Variants in RIN3 observed in about 807,000 individuals in gnomAD.
RIN3 encodes RAB5 interacting protein 3.
In RIN3, 54 loss-of-function variants were observed where a neutral mutation model predicts 76.3. The ratio of observed to expected loss-of-function variants is 0.71; its 90% CI spans 0.57 to 0.89. The LOEUF is 0.89. RIN3 is among the 40% of genes least tolerant of loss of function. The probability of loss-of-function intolerance (pLI) is 0.00; values close to 1 mark genes in which losing one functional copy is unlikely to be tolerated. For synonymous variants in RIN3, 576 were observed against 564.0 expected, an observed-to-expected ratio of 1.02 and a Z score of -0.30; for missense variants, 1,256 against 1,322.1, an observed-to-expected ratio of 0.95 and a Z score of 0.78.
intron 2 of RIN3, among the ~76,000 whole-genome samples, chr14:92,574,507 C>T (rs1387998331): frequency 6.6e-6 from 1 of 152,212 alleles, no homozygotes; most frequent in Non-Finnish European, 1.5e-5. Flanking sequence ...CCCATGCAAG[C>T]TTCCAGCTTG....
At chr14:92,554,111 C>A (rs1897512266) in intron 1 of RIN3, among the ~76,000 whole-genome samples, 1 of 152,126 alleles carries the variant, frequency 6.6e-6, no homozygotes, top group Admixed American at 6.5e-5. Context: ...TTTCTGGGTA[C>A]CCTTGTCTGT....
chr14:92,539,377 A>G (rs10498634), intron 1 of RIN3, among the ~76,000 whole-genome samples: 61,942 of 152,082 alleles, frequency 0.41, 12,813 homozygotes, highest in African/African-American at 0.45. Context: ...TGAACTCTTC[A>G]TAGCAAACTC....
chr14:92,558,043 T>C (rs1215352954), intron 2 of RIN3, among the ~76,000 whole-genome samples: 45 of 152,276 alleles, frequency 3.0e-4, no homozygotes, highest in Admixed American at 2.0e-4. Context: ...TGTCAAAAGA[T>C]TCAGTTCTCT....
intron 4 of RIN3, among the ~76,000 whole-genome samples, chr14:92,638,752 TCAGGATGCAGCAGAATCACACAACAATGA>T (rs1413498358): frequency 1.3e-5 from 2 of 151,850 alleles, no homozygotes; most frequent in African/African-American, 4.8e-5. Flanking sequence ...TCAGAAGACC[TCAGGATGCAGCAGAATCACACAACAATGA>T]CAGAAGATGC....
chr14:92,603,881 C>T (rs9788510), intron 3 of RIN3, among the ~76,000 whole-genome samples: 14 of 152,310 alleles, frequency 9.2e-5, no homozygotes, highest in Admixed American at 8.5e-4. Context: ...CCAAAGAAAT[C>T]GCTATCTTCC....
At chr14:92,581,973 G>A (rs1238508522) in intron 3 of RIN3, among the ~76,000 whole-genome samples, 1 of 152,180 alleles carries the variant, frequency 6.6e-6, no homozygotes, top group African/African-American at 2.4e-5. Flanking sequence ...GGCAGGCAGG[G>A]TGATCAGACA....
At chr14:92,572,966 C>G (rs1054590653) in intron 2 of RIN3, among the ~76,000 whole-genome samples, 1 of 147,778 alleles carries the variant, frequency 6.8e-6, no homozygotes, top group Admixed American at 6.9e-5. Flanking sequence ...ACTGCAACCT[C>G]TGCCTCCCAG....
intron 8 of RIN3, among the ~76,000 whole-genome samples, chr14:92,682,703 T>C (rs776937407): frequency 9.9e-5 from 15 of 152,198 alleles, no homozygotes; most frequent in Non-Finnish European, 2.2e-4. Flanking sequence ...CTTCCACTTA[T>C]ATCTAAGGGG....
At chr14:92,672,674 G>A (rs1888326488) in intron 7 of RIN3, among the ~76,000 whole-genome samples, 2 of 152,114 alleles carry the variant, frequency 1.3e-5, no homozygotes, top group African/African-American at 2.4e-5. Flanking sequence ...GTGTGTGTGT[G>A]TGTGTGTGTG....
chr14:92,627,961 G>A (rs1029102231), intron 4 of RIN3, among the ~76,000 whole-genome samples: 1 of 152,220 alleles, frequency 6.6e-6, no homozygotes, highest in Admixed American at 6.5e-5. Context: ...GAGACCAGGA[G>A]TTTTTATCCC....
intron 2 of RIN3, among the ~76,000 whole-genome samples, chr14:92,572,357 C>T (rs190549420): frequency 2.6e-5 from 4 of 152,356 alleles, no homozygotes; most frequent in Admixed American, 2.6e-4. Context: ...TTACACTCCG[C>T]CATTTTGCCT....
chr14:92,639,941 C>T (rs1375765491), intron 4 of RIN3, among the ~76,000 whole-genome samples: 5 of 61,682 alleles, frequency 8.1e-5, no homozygotes, highest in East Asian at 8.4e-4. Context: ...CCTGACTGTG[C>T]GTTTGCTGGG....
intron 4 of RIN3, among the ~76,000 whole-genome samples, chr14:92,637,926 C>G (rs1302592248): frequency 2.0e-5 from 3 of 152,142 alleles, no homozygotes; most frequent in Non-Finnish European, 4.4e-5. Context: ...CTTAACCTCC[C>G]TGAGCCTCTG....
intron 3 of RIN3, among the ~76,000 whole-genome samples, chr14:92,610,685 G>A (rs1331895424): frequency 6.6e-6 from 1 of 152,174 alleles, no homozygotes; most frequent in Non-Finnish European, 1.5e-5. Context: ...GGACTCTGGA[G>A]CTGCAGGGAT....
chr14:92,669,817 A>G (rs1329776989), intron 7 of RIN3, among the ~76,000 whole-genome samples: 1 of 152,204 alleles, frequency 6.6e-6, no homozygotes, highest in Non-Finnish European at 1.5e-5. Context: ...CTAAGGGCTG[A>G]GTTGAATAGT....
intron 4 of RIN3, among the ~76,000 whole-genome samples, chr14:92,634,437 A>G (rs1054603492): frequency 2.6e-5 from 4 of 152,166 alleles, no homozygotes; most frequent in African/African-American, 9.7e-5. Context: ...AGTGGATTTC[A>G]TAGTTTATAA....
intron 5 of RIN3, 109 bp from the exon 6 acceptor site, chr14:92,651,473 G>A: frequency 3.4e-6 from 2 of 583,260 alleles, no homozygotes; most frequent in Admixed American, 5.2e-5. Context: ...TGAAGCAAAT[G>A]CCTTGAACAG....
chr14:92,619,166 G>T (rs1460502480), intron 4 of RIN3, among the ~76,000 whole-genome samples: 1 of 152,058 alleles, frequency 6.6e-6, no homozygotes, highest in Non-Finnish European at 1.5e-5. Flanking sequence ...GCAATCTCAT[G>T]TACCTAAACA....
chr14:92,631,374 T>C (rs1886575820), intron 4 of RIN3, among the ~76,000 whole-genome samples: 1 of 152,232 alleles, frequency 6.6e-6, no homozygotes, highest in Non-Finnish European at 1.5e-5. Flanking sequence ...TTCTGTGCTC[T>C]GTCTGCAGCC....
Sources: allele counts gnomAD v4.1 joint callset (sites outside exome capture counted in the v4.1 genomes callset), GRCh38; gene constraint gnomAD v4.1.1; transcripts MANE v1.5; gene names NCBI Gene and HGNC (gene_info 2026-07-23, HGNC 2026-07-21).